The following TSPAN5 variants were observed in gnomAD, a reference collection of about 807,000 sequenced individuals.
TSPAN5 encodes tetraspanin-5.
A neutral mutation model predicts 37.1 loss-of-function variants in TSPAN5; 10 were observed. That is an observed-to-expected ratio of 0.27 (90% CI 0.17 to 0.46). TSPAN5 has a LOEUF of 0.46. Among genes scored for constraint, TSPAN5 ranks in the 20% least tolerant of loss-of-function variants. The pLI is 1.00. For missense variants in TSPAN5, 195 were observed against 326.6 expected, an observed-to-expected ratio of 0.60 and a Z score of 3.11; for synonymous variants, 110 against 118.9, an observed-to-expected ratio of 0.93 and a Z score of 0.48.
intron 1 of TSPAN5, among the ~76,000 whole-genome samples, chr4:98,655,088 G>A (rs549607227): frequency 2.0e-5 from 3 of 152,200 alleles, no homozygotes; most frequent in South Asian, 2.1e-4. Context: ...CTTGTGATCC[G>A]TCCACCTCAG....
intron 1 of TSPAN5, among the ~76,000 whole-genome samples, chr4:98,532,467 T>C (rs1329986279): frequency 6.6e-6 from 1 of 152,216 alleles, no homozygotes; most frequent in Admixed American, 6.5e-5. Flanking sequence ...GAATGGGAGT[T>C]CACTCATGAT....
chr4:98,576,120 ATAACT>A (rs544105472), intron 1 of TSPAN5, among the ~76,000 whole-genome samples: 175 of 152,268 alleles, frequency 1.1e-3, no homozygotes, highest in African/African-American at 4.1e-3. Context: ...TCAGCCTCTG[ATAACT>A]TAGGTTATTC....
At position 98,482,133 on chromosome 4, in the gene TSPAN5, C is replaced by T. The variant is rs986230963; in HGVS notation, c.322G>A (p.Ala108Thr). The T allele has an allele frequency of 1.2e-6, 2 of 1,613,978 alleles. No homozygotes were observed. The highest frequency in any genetic ancestry group is 2.2e-5 in the East Asian group (1 of 44,878). The change falls in exon 4 of 8, where the codon GCC becomes ACC. Residue 108 changes from alanine to threonine, a missense_variant. Ala to Thr is a moderately conservative substitution (Grantham distance 58, BLOSUM62 0). Coordinates refer to ENST00000305798, the MANE Select transcript of TSPAN5 (RefSeq NM_005723.4). ...TTGAAAACAAATGCTAGAACTCCGG[C>T]AGTGAGCTCCAGGAAGAAAATAATT... is the stretch of plus-strand genomic sequence containing the variant. ...LGIIFFLELT[A>T]GVLAFVFKDW...
At chr4:98,551,658 ATTTTT>A (rs36041602) in intron 1 of TSPAN5, among the ~76,000 whole-genome samples, 1 of 140,132 alleles carries the variant, frequency 7.1e-6, no homozygotes, top group African/African-American at 2.7e-5. Context: ...CGCCCAGCTA[ATTTTT>A]TTTTTTTTTT....
chr4:98,495,423 G>A (rs1753180804), intron 2 of TSPAN5, among the ~76,000 whole-genome samples: 1 of 151,926 alleles, frequency 6.6e-6, no homozygotes, highest in African/African-American at 2.4e-5. Flanking sequence ...TACTCGGGAG[G>A]CTGAGGCAGG....
chr4:98,536,158 T>C (rs1156990176), intron 1 of TSPAN5, among the ~76,000 whole-genome samples: 3 of 152,228 alleles, frequency 2.0e-5, no homozygotes, highest in African/African-American at 7.2e-5. Flanking sequence ...TCTCCCCATC[T>C]TTGTGGATTT....
intron 1 of TSPAN5, among the ~76,000 whole-genome samples, chr4:98,592,428 G>GTTTTTTTT (rs35941064): frequency 1.3e-4 from 16 of 119,092 alleles, no homozygotes; most frequent in African/African-American, 1.6e-4. Flanking sequence ...TCTGTTTTTT[G>GTTTTTTTT]TTTTTTTTTT....
intron 1 of TSPAN5, among the ~76,000 whole-genome samples, chr4:98,653,080 A>G (rs1757225393): frequency 6.6e-6 from 1 of 152,080 alleles, no homozygotes; most frequent in Non-Finnish European, 1.5e-5. Context: ...TCTTCCTACC[A>G]TCTCCCTGTA....
chr4:98,603,161 G>A (rs1354664734), intron 1 of TSPAN5, among the ~76,000 whole-genome samples: 1 of 152,150 alleles, frequency 6.6e-6, no homozygotes, highest in African/African-American at 2.4e-5. Flanking sequence ...AACAGTGGTG[G>A]CAAGGAGATG....
At chr4:98,650,823 C>T (rs1372481811) in intron 1 of TSPAN5, among the ~76,000 whole-genome samples, 1 of 152,104 alleles carries the variant, frequency 6.6e-6, no homozygotes, top group Non-Finnish European at 1.5e-5. Flanking sequence ...TGCCAGAGAG[C>T]AAGATGGTGC....
At chr4:98,552,415 A>T (rs1476120299) in intron 1 of TSPAN5, among the ~76,000 whole-genome samples, 1 of 152,218 alleles carries the variant, frequency 6.6e-6, no homozygotes, top group Admixed American at 6.5e-5. Context: ...TCAAGGAATT[A>T]TGCTTCATTC....
intron 3 of TSPAN5, chr4:98,484,135 AAAATTGAGT>A: frequency 4.0e-6 from 1 of 252,122 alleles, no homozygotes; most frequent in Non-Finnish European, 7.8e-6. Flanking sequence ...ATACATACCA[AAAATTGAGT>A]CCAAATTCAA....
rs537498016 is a variant in TSPAN5 at position 98,503,643 on chromosome 4, T to C, written c.132+4035A>G. Among the ~76,000 whole-genome samples, 5 of 152,354 alleles carry C rather than the reference T, an allele frequency of 3.3e-5. No individual in the cohort carries two copies. In the South Asian group the frequency reaches 8.3e-4, roughly 25 times the overall value. On this transcript the variant is annotated intron_variant, in intron 2 of 7. Coordinates refer to ENST00000305798, the MANE Select transcript of TSPAN5 (RefSeq NM_005723.4). ...GCTGAGCACTTTGCTGTGGGAACCA[T>C]TAAACATATATACACCCCTAAGTAG...
intron 2 of TSPAN5, among the ~76,000 whole-genome samples, chr4:98,489,968 C>T (rs956204235): frequency 2.0e-5 from 3 of 152,136 alleles, no homozygotes; most frequent in East Asian, 1.9e-4. Context: ...CTGAGAAATA[C>T]GGGATTCCCC....
intron 1 of TSPAN5, among the ~76,000 whole-genome samples, chr4:98,521,612 C>A (rs1176049132): frequency 6.6e-6 from 1 of 152,178 alleles, no homozygotes; most frequent in South Asian, 2.1e-4. Flanking sequence ...AATCTCAGAC[C>A]CTTCACAGTC....
chr4:98,487,353 AAAAC>A (rs1417193119), intron 2 of TSPAN5, among the ~76,000 whole-genome samples: 1 of 152,166 alleles, frequency 6.6e-6, no homozygotes, highest in East Asian at 1.9e-4. Context: ...GTCTTCAGTA[AAAAC>A]AAACAAACAA....
intron 1 of TSPAN5, among the ~76,000 whole-genome samples, chr4:98,570,558 T>G (rs1179317136): frequency 6.6e-6 from 1 of 152,038 alleles, no homozygotes; most frequent in Non-Finnish European, 1.5e-5. Flanking sequence ...CATATATAAA[T>G]GCTGACTGCA....
At chr4:98,574,774 C>G (rs576038065) in intron 1 of TSPAN5, 21 of 152,348 alleles carry the variant, frequency 1.4e-4, no homozygotes, top group African/African-American at 4.3e-4. Flanking sequence ...TAGCGACGGA[C>G]CTGATCCCCA....
At chr4:98,602,052 T>C (rs1259539294) in intron 1 of TSPAN5, among the ~76,000 whole-genome samples, 1 of 152,068 alleles carries the variant, frequency 6.6e-6, no homozygotes, top group African/African-American at 2.4e-5. Flanking sequence ...ACCAAAACAA[T>C]TACAATAGTA....
Sources: gnomAD v4.1 joint callset for allele counts (sites outside exome capture counted in the v4.1 genomes callset) on GRCh38, gnomAD v4.1.1 for gene constraint, MANE v1.5 for transcripts, NCBI Gene and HGNC (gene_info 2026-07-23, HGNC 2026-07-21) for gene names.